SH3BGRL2: variants seen among roughly 807,000 people sequenced by gnomAD.
SH3BGRL2 encodes SH3 domain-binding glutamic acid-rich-like protein 2.
Under a neutral mutation model 14.8 loss-of-function variants are expected in SH3BGRL2, and 21 were observed. That is an observed-to-expected ratio of 1.42 (90% CI 1.01 to 2.05). SH3BGRL2 has a LOEUF of 2.05. SH3BGRL2 is among the 30% of genes most tolerant of loss of function. The pLI is 0.00. For missense variants in SH3BGRL2, 147 were observed against 130.8 expected, an observed-to-expected ratio of 1.12 and a Z score of -0.61; for synonymous variants, 50 against 47.8, an observed-to-expected ratio of 1.05 and a Z score of -0.19.
At chr6:79,615,261 G>A in the SH3BGRL2 span, among the ~76,000 whole-genome samples, 8 of 152,176 alleles carry the variant, frequency 5.3e-5, no homozygotes, top group African/African-American at 1.9e-4. Flanking sequence ...AGGAGATTCT[G>A]TTTCAGCCAG....
the SH3BGRL2 span, among the ~76,000 whole-genome samples, chr6:79,539,622 T>G: frequency 2.0e-5 from 3 of 152,272 alleles, no homozygotes; most frequent in African/African-American, 2.4e-5. Flanking sequence ...TATTGCCATA[T>G]GGCAATGATG....
chr6:79,545,204 C>A, the SH3BGRL2 span, among the ~76,000 whole-genome samples: 1 of 152,156 alleles, frequency 6.6e-6, no homozygotes, highest in African/African-American at 2.4e-5. Flanking sequence ...CTTCTCTGGC[C>A]GCTTTTCTTT....
chr6:79,695,908 A>G (rs781731455), intron 2 of SH3BGRL2, among the ~76,000 whole-genome samples: 15 of 152,332 alleles, frequency 9.8e-5, no homozygotes, highest in Non-Finnish European at 1.5e-4. Context: ...AAATGATTCT[A>G]TATGTTTGAG....
chr6:79,668,260 G>A (rs755174435), intron 1 of SH3BGRL2, among the ~76,000 whole-genome samples: 8 of 152,170 alleles, frequency 5.3e-5, no homozygotes, highest in Non-Finnish European at 1.2e-4. Flanking sequence ...CCACAGAGTA[G>A]GGGGTTAAGG....
chr6:79,540,516 TGTA>T, the SH3BGRL2 span, among the ~76,000 whole-genome samples: 52 of 152,116 alleles, frequency 3.4e-4, 2 homozygotes, highest in Non-Finnish European at 1.3e-4. Flanking sequence ...TGAAAACAAA[TGTA>T]GTCTAATCTG....
the SH3BGRL2 span, among the ~76,000 whole-genome samples, chr6:79,605,677 A>G: frequency 6.6e-6 from 1 of 152,258 alleles, no homozygotes; most frequent in Admixed American, 6.5e-5. Flanking sequence ...CATTTTTATT[A>G]TCAATTGACT....
intron 2 of SH3BGRL2, among the ~76,000 whole-genome samples, chr6:79,675,316 T>G (rs1420862763): frequency 2.0e-5 from 3 of 152,216 alleles, no homozygotes; most frequent in Admixed American, 2.0e-4. Context: ...TGGTTTTCGC[T>G]GCTACGATTG....
At chr6:79,661,558 G>T (rs1234205372) in intron 1 of SH3BGRL2, among the ~76,000 whole-genome samples, 3 of 152,140 alleles carry the variant, frequency 2.0e-5, no homozygotes, top group African/African-American at 7.2e-5. Context: ...TAATTATGTG[G>T]TCAGTTTTAG....
At chr6:79,537,683 G>T in the SH3BGRL2 span, among the ~76,000 whole-genome samples, 4 of 152,230 alleles carry the variant, frequency 2.6e-5, no homozygotes, top group South Asian at 6.2e-4. Context: ...AGCGTCGTGG[G>T]CTCCGAGAGG....
chr6:79,583,143 C>G, the SH3BGRL2 span, among the ~76,000 whole-genome samples: 1 of 151,922 alleles, frequency 6.6e-6, no homozygotes, highest in Admixed American at 6.6e-5. Flanking sequence ...CAGATGCTGG[C>G]GAGGAAGTGG....
At chr6:79,572,102 T>G in the SH3BGRL2 span, among the ~76,000 whole-genome samples, 1 of 152,084 alleles carries the variant, frequency 6.6e-6, no homozygotes, top group Non-Finnish European at 1.5e-5. Context: ...ATATCACCAG[T>G]TTTTCCACTA....
chr6:79,673,785 G>C lies in SH3BGRL2; in HGVS notation c.217G>C (p.Asp73His), dbSNP rs983770941. Residue 73 changes from aspartate to histidine, a missense_variant, in exon 2 of 4, where the codon GAC (aspartate) becomes CAC (histidine). Physicochemically the swap from Asp to His is moderately conservative, Grantham distance 81 (BLOSUM62 -1). Coordinates refer to ENST00000369838, the MANE Select transcript of SH3BGRL2 (RefSeq NM_031469.4). ...CCTGCCACCTCAGATATTTAATGGC[G>C]ACCGATACTGTGGAGTAAGTGGCTA... Reference protein sequence around the residue: ...NPLPPQIFNGDRYCGDYDSFF... With the variant: ...NPLPPQIFNGHRYCGDYDSFF... 4.3e-6 allele frequency: 7 copies of C among 1,613,634 alleles called. No individual in the cohort carries two copies. In the Admixed American group the frequency reaches 5.0e-5, roughly 12 times the overall value.
chr6:79,667,057 G>A lies in SH3BGRL2; in HGVS notation c.46-6557G>A, dbSNP rs1231204665. Among the ~76,000 whole-genome samples the A allele has an allele frequency of 2.0e-4, 31 of 152,112 alleles. 1 individual carries two copies. The highest frequency in any genetic ancestry group is 2.0e-3 in the Admixed American group (31 of 15,272). On this transcript the variant is annotated intron_variant, in intron 1 of 3. Transcript: ENST00000369838. Reference sequence around the variant, plus strand: ...TGAACCTATGGAAAAAAGATAATTGGGTTCTATTAAAAGAAAAGCTTTATG... The same window carrying A: ...TGAACCTATGGAAAAAAGATAATTGAGTTCTATTAAAAGAAAAGCTTTATG...
At chr6:79,623,892 C>T in the SH3BGRL2 span, among the ~76,000 whole-genome samples, 1 of 152,130 alleles carries the variant, frequency 6.6e-6, no homozygotes, top group Non-Finnish European at 1.5e-5. Flanking sequence ...TCCATTTTCT[C>T]TAATTGTATC....
At chr6:79,594,934 C>T in the SH3BGRL2 span, among the ~76,000 whole-genome samples, 1 of 152,172 alleles carries the variant, frequency 6.6e-6, no homozygotes. Context: ...ATAAACAGAT[C>T]TCCAAGATAC....
At chr6:79,655,760 T>C (rs1018852864) in intron 1 of SH3BGRL2, among the ~76,000 whole-genome samples, 7 of 152,264 alleles carry the variant, frequency 4.6e-5, no homozygotes, top group Admixed American at 4.6e-4. Context: ...CATGTATCAG[T>C]ACTTCATTTT....
chr6:79,686,229 T>G (rs1770087008), intron 2 of SH3BGRL2, among the ~76,000 whole-genome samples: 1 of 152,214 alleles, frequency 6.6e-6, no homozygotes, highest in Non-Finnish European at 1.5e-5. Flanking sequence ...TTAAAAAACA[T>G]TCTGCTCAGC....
chr6:79,540,549 T>A, the SH3BGRL2 span, among the ~76,000 whole-genome samples: 267 of 152,280 alleles, frequency 1.8e-3, 2 homozygotes, highest in Admixed American at 6.3e-3. Context: ...AATACTTGAT[T>A]TTGCAGTACA....
chr6:79,551,375 C>T, the SH3BGRL2 span, among the ~76,000 whole-genome samples: 2 of 152,266 alleles, frequency 1.3e-5, no homozygotes, highest in Admixed American at 1.3e-4. Context: ...TCTTTTTGGT[C>T]AAGACTTCAC....
Sources: allele counts gnomAD v4.1 joint callset (sites outside exome capture counted in the v4.1 genomes callset), GRCh38; gene constraint gnomAD v4.1.1; transcripts MANE v1.5; gene names NCBI Gene and HGNC (gene_info 2026-07-23, HGNC 2026-07-21).